LRP2: variants seen among roughly 807,000 people sequenced by gnomAD.
LRP2 encodes LDL receptor related protein 2, also known as low-density lipoprotein receptor-related protein 2.
Under a neutral mutation model 531.0 loss-of-function variants are expected in LRP2, and 172 were observed. The observed-to-expected ratio is 0.32, with a 90% CI of 0.29 to 0.37. The LOEUF is 0.37. LRP2 is among the 10% of genes least tolerant of loss of function. The probability of loss-of-function intolerance (pLI) is 1.00; values close to 1 mark genes in which losing one functional copy is unlikely to be tolerated. For missense variants in LRP2, 5,167 were observed against 5,868.3 expected (o/e 0.88, Z 3.90); for synonymous variants, 1,992 against 2,027.6 (o/e 0.98, Z 0.47).
chr2:169,307,532 G>A, intron 3 of LRP2, 135 bp from the exon 4 acceptor site: 1 of 681,154 alleles, frequency 1.5e-6, no homozygotes, highest in Non-Finnish European at 2.6e-6. Context: ...CCACCAAGCT[G>A]AGCTTACAAA....
chr2:169,197,259 T>C (rs1184010295), intron 45 of LRP2, among the ~76,000 whole-genome samples: 1 of 142,654 alleles, frequency 7.0e-6, no homozygotes, highest in East Asian at 1.9e-4. Flanking sequence ...ATTCCAGAAA[T>C]CAAAAAAAAA....
intron 14 of LRP2, among the ~76,000 whole-genome samples, chr2:169,273,477 T>C (rs1465801609): frequency 6.6e-6 from 1 of 152,120 alleles, no homozygotes; most frequent in Non-Finnish European, 1.5e-5. Flanking sequence ...ACTTAACCAA[T>C]AGCTCTAAGA....
chr2:169,177,130 C>T (rs1381452762), intron 53 of LRP2, among the ~76,000 whole-genome samples: 6 of 152,086 alleles, frequency 3.9e-5, no homozygotes. Context: ...CTTTATTTTG[C>T]TAATTCTCAT....
intron 51 of LRP2, 28 bp from the exon 52 acceptor site, chr2:169,181,646 C>A: frequency 6.2e-7 from 1 of 1,606,724 alleles, no homozygotes; most frequent in East Asian, 2.2e-5. Flanking sequence ...AAGGGTCAGT[C>A]CCTGATGCCA....
chr2:169,197,223 C>A (rs1688034687), intron 45 of LRP2, among the ~76,000 whole-genome samples, 193 bp from the exon 46 acceptor site: 1 of 151,708 alleles, frequency 6.6e-6, no homozygotes, highest in African/African-American at 2.4e-5. Flanking sequence ...TCAATCCTGC[C>A]CCAATTCCCC....
intron 65 of LRP2, among the ~76,000 whole-genome samples, chr2:169,155,254 G>A (rs1686288626): frequency 6.6e-6 from 1 of 152,100 alleles, no homozygotes; most frequent in Admixed American, 6.6e-5. Context: ...ACTTTTAAAA[G>A]TTCATTTTAT....
Position 169,362,345 on chromosome 2 carries a change from A to C in LRP2, c.55T>G (p.Cys19Gly). 6.4e-7 allele frequency: 1 copy of C among 1,568,368 alleles called. No homozygotes were observed. Among genetic ancestry groups the C allele is most frequent in the Non-Finnish European group, 8.6e-7 (1 of 1,158,314 alleles). Residue 19 changes from cysteine to glycine, a missense_variant, in exon 1 of 79, where the codon TGC becomes GGC. Around this residue, in one of 6 missense-constraint regions of LRP2, gnomAD observed 2,811 missense variants for 3,058.0 expected, o/e 0.92. Coordinates refer to ENST00000649046, the MANE Select transcript of LRP2 (RefSeq NM_004525.3). Reference protein sequence around the residue: ...ACTLLLALVACLAPASGQECD... With the variant: ...ACTLLLALVAGLAPASGQECD... ...CCTTGGCCACTGGCCGGCGCTAGGC[A>C]GGCGACGAGAGCCAGGAGCAGCGTG...
intron 1 of LRP2, among the ~76,000 whole-genome samples, chr2:169,324,991 T>C (rs986136360): frequency 1.4e-5 from 2 of 141,118 alleles, no homozygotes; most frequent in East Asian, 4.1e-4. Flanking sequence ...TTTACCATCT[T>C]AAATCCATAG....
At chr2:169,168,842 T>C (rs1686886895) in intron 60 of LRP2, among the ~76,000 whole-genome samples, 166 bp from the exon 61 acceptor site, 1 of 152,200 alleles carries the variant, frequency 6.6e-6, no homozygotes, top group Non-Finnish European at 1.5e-5. Flanking sequence ...GACTATGTCT[T>C]AAGGGCAGTT....
Position 169,259,147 on chromosome 2 carries a change from A to T in LRP2, c.2391T>A (p.Asn797Lys). 1 of 1,613,364 alleles carries T rather than the reference A, an allele frequency of 6.2e-7. No individual in the cohort carries two copies. Among genetic ancestry groups the T allele is most frequent in the Non-Finnish European group, 8.5e-7 (1 of 1,179,572 alleles). Residue 797 changes from asparagine to lysine, a missense_variant, in exon 17 of 79, where the codon AAT (asparagine) becomes AAA (lysine). By Grantham distance (94) the Asn-to-Lys change is moderately conservative (BLOSUM62 0). Coordinates refer to ENST00000649046, the MANE Select transcript of LRP2 (RefSeq NM_004525.3). ...TGTAATGAGAGTCTGTCCAATAGAG[A>T]TTCTTTGAAATCCAATCAAAAGCCA... is the stretch of plus-strand genomic sequence containing the variant. Reference protein sequence around the residue: ...ESLAFDWISKNLYWTDSHYKS... With the variant: ...ESLAFDWISKKLYWTDSHYKS...
intron 1 of LRP2, among the ~76,000 whole-genome samples, chr2:169,338,347 G>GGAAGGAAA (rs1685465214): frequency 9.1e-6 from 1 of 109,898 alleles, no homozygotes; most frequent in Non-Finnish European, 1.9e-5. Context: ...AAAGAAAGAA[G>GGAAGGAAA]GAAAGAAAGA....
chr2:169,330,613 G>T (rs1685239012), intron 1 of LRP2, among the ~76,000 whole-genome samples: 1 of 152,148 alleles, frequency 6.6e-6, no homozygotes, highest in Admixed American at 6.5e-5. Flanking sequence ...CATTTGGGGT[G>T]GGACAATTAC....
In LRP2 at chr2:169,176,476, C is replaced by A. The variant is rs747293578; in HGVS notation, c.10506G>T (p.Leu3502=). 1.9e-6 allele frequency: 3 copies of A among 1,614,168 alleles called. No individual in the cohort carries two copies. The highest frequency in any genetic ancestry group is 1.7e-6 in the Non-Finnish European group (2 of 1,180,020). The part of the protein sequence containing the change: ...ECPDDFRTLQ[L]SGSTYCMPMC... The stretch of plus-strand genomic sequence containing the variant: ...TGGGCATGCAGTAGGTGCTGCCACT[C>A]AGCTGAAGGGTGCGGAAGTCATCTG... The change falls in exon 54 of 79, where the codon CTG becomes CTT. Residue 3502 remains leucine (L), a synonymous_variant. Coordinates refer to ENST00000649046, the MANE Select transcript of LRP2 (RefSeq NM_004525.3).
Position 169,235,994 on chromosome 2 carries a change from C to A in LRP2, c.4766G>T (p.Arg1589Leu), listed in dbSNP as rs587780385. Residue 1589 changes from arginine (R) to leucine (L), a missense_variant, in exon 29 of 79, where the codon CGC (arginine) becomes CTC (leucine). Arg to Leu is a moderately radical substitution (Grantham distance 102). This residue lies in a region of LRP2 where 2,811 missense variants were observed against 3,058.0 expected (regional missense o/e 0.92). Transcript: ENST00000649046. ...IERASMDGSM[R>L]TVIVQDKIFW... ...GATCTTGTCCTGGACAATGACAGTG[C>A]GCATGCTGCCGTCCATGCTGGCTCG... 4 of 1,614,182 alleles carry A rather than the reference C, an allele frequency of 2.5e-6. No homozygotes were observed. Among genetic ancestry groups the A allele is most frequent in the Admixed American group, 1.7e-5 (1 of 60,022 alleles).
At position 169,175,309 on chromosome 2, in the gene LRP2, C is replaced by G; in HGVS notation, c.10652G>C (p.Arg3551Pro). The G allele has an allele frequency of 1.2e-6, 2 of 1,614,064 alleles. No homozygotes were observed. The highest frequency in any genetic ancestry group is 4.5e-5 in the East Asian group (2 of 44,890). Residue 3551 changes from arginine to proline, a missense_variant, in exon 55 of 79, where the codon CGC becomes CCC. Transcript: ENST00000649046. ...GSDELALCPQRFCRLGQFQCS... is the reference protein window; with the variant it reads ...GSDELALCPQPFCRLGQFQCS... ...CTGGAACTGTCCCAGTCGGCAGAAG[C>G]GCTGCGGGCAAAGGGCCAGTTCATC...
chr2:169,247,609 G>A, intron 19 of LRP2, 94 bp from the exon 20 acceptor site: 1 of 1,332,052 alleles, frequency 7.5e-7, no homozygotes, highest in African/African-American at 1.4e-5. Context: ...AATGCTTCTT[G>A]CAAGTACGAT....
chr2:169,178,665 G>C (rs1687307952), intron 52 of LRP2, among the ~76,000 whole-genome samples: 1 of 152,196 alleles, frequency 6.6e-6, no homozygotes, highest in South Asian at 2.1e-4. Context: ...CCGATTTCAA[G>C]ATGTTACAAA....
At chr2:169,156,568 T>A (rs1318385855) in intron 64 of LRP2, among the ~76,000 whole-genome samples, 163 bp from the exon 65 acceptor site, 1 of 152,234 alleles carries the variant, frequency 6.6e-6, no homozygotes, top group African/African-American at 2.4e-5. Context: ...TTTCAGATAC[T>A]GTTTCACATG....
In LRP2 at chr2:169,216,252, C is replaced by G; in HGVS notation, c.5826+1G>C. ...CCAAAAGACTGAAAGGGTGCTCATACCACTCCTCTTCCAGTGACTGCCCAG... is the reference window on the plus strand; with the variant it reads ...CCAAAAGACTGAAAGGGTGCTCATAGCACTCCTCTTCCAGTGACTGCCCAG... On this transcript the variant is annotated splice_donor_variant, in intron 35 of 78. Coordinates refer to ENST00000649046, the MANE Select transcript of LRP2 (RefSeq NM_004525.3). LOFTEE classifies it high-confidence loss of function. 1 of 1,613,266 alleles carries G rather than the reference C, an allele frequency of 6.2e-7. No homozygotes were observed. The highest frequency in any genetic ancestry group is 8.5e-7 in the Non-Finnish European group (1 of 1,179,462).
Sources: allele counts gnomAD v4.1 joint callset (sites outside exome capture counted in the v4.1 genomes callset), GRCh38; gene constraint gnomAD v4.1.1; regional missense constraint gnomAD v4.1.1; transcripts MANE v1.5; gene names NCBI Gene and HGNC (gene_info 2026-07-23, HGNC 2026-07-21).